The following SRPX2 variants were observed in gnomAD, a reference collection of about 807,000 sequenced individuals.
The protein encoded by SRPX2 is sushi repeat containing protein X-linked 2, also known as sushi repeat-containing protein SRPX2.
Under a neutral mutation model 45.3 loss-of-function variants are expected in SRPX2, and 26 were observed. The observed-to-expected ratio is 0.57, with a 90% confidence interval of 0.42 to 0.80. The LOEUF (loss-of-function observed/expected upper bound fraction) is 0.80, where lower values mean the gene tolerates loss of function less well. Among genes scored for constraint, SRPX2 ranks in the 30% least tolerant of loss-of-function variants. The pLI, the probability that SRPX2 is intolerant of heterozygous loss-of-function variation, is 0.00. For synonymous variants in SRPX2, 125 were observed against 143.7 expected, an observed-to-expected ratio of 0.87 and a Z score of 0.93; for missense variants, 355 against 399.8, an observed-to-expected ratio of 0.89 and a Z score of 0.95.
chrX:100,657,349 C>CTTTTTTTTTTTCTTTTTTTTTT (rs2083173078), intron 3 of SRPX2, among the ~76,000 whole-genome samples: 1 of 28,417 alleles, frequency 3.5e-5, no homozygotes, highest in African/African-American at 1.0e-4. Flanking sequence ...TTATTTATGT[C>CTTTTTTTTTTTCTTTTTTTTTT]TTTTTTTTTT....
rs372950755 is a variant in SRPX2, at chrX:100,666,816, G to T, written c.844G>T (p.Asp282Tyr). ...HGYLTCTSAG[D>Y]NYGATCEYHC... ...CTACCTCACCTGCACCTCAGCGGGG[G>T]ACAACTATGGTGCCACCTGTGAATA... is the stretch of plus-strand genomic sequence containing the variant. The change falls in exon 8 of 11, where the codon GAC becomes TAC. Residue 282 changes from aspartate (D) to tyrosine (Y), a missense_variant. Physicochemically the swap from Asp to Tyr is radical, Grantham distance 160. Transcript: ENST00000373004. 1.7e-6 allele frequency: 2 copies of T among 1,210,659 alleles called. No individual in the cohort carries two copies. Among genetic ancestry groups the T allele is most frequent in the African/African-American group, 3.5e-5 (2 of 57,374 alleles).
chrX:100,652,233 C>G (rs939099993), intron 3 of SRPX2, among the ~76,000 whole-genome samples: 1 of 111,727 alleles, frequency 9.0e-6, no homozygotes, highest in African/African-American at 3.3e-5. Context: ...ACAGATGAAC[C>G]CCATAAATGT....
intron 3 of SRPX2, among the ~76,000 whole-genome samples, chrX:100,660,165 C>T (rs2083182761): frequency 9.0e-6 from 1 of 111,580 alleles, no homozygotes; most frequent in African/African-American, 3.3e-5. Context: ...TTTAAACATA[C>T]ATACAGAAAA....
intron 10 of SRPX2, 119 bp downstream of exon 10, chrX:100,669,488 C>T (rs964679603): frequency 1.4e-5 from 10 of 690,770 alleles, no homozygotes; most frequent in South Asian, 7.9e-5. Context: ...TACTCTCTTG[C>T]GGCACTTCTT....
intron 3 of SRPX2, among the ~76,000 whole-genome samples, chrX:100,653,669 A>G (rs2083160323): frequency 8.9e-6 from 1 of 111,856 alleles, no homozygotes; most frequent in African/African-American, 3.3e-5. Context: ...TTTAGCCCAC[A>G]CTGAGCTTTC....
chrX:100,645,635 A>G (rs1322045219), intron 1 of SRPX2, among the ~76,000 whole-genome samples: 1 of 112,155 alleles, frequency 8.9e-6, no homozygotes, highest in Non-Finnish European at 1.9e-5. Context: ...TGGTAATAAT[A>G]TTGTCTAATA....
intron 3 of SRPX2, among the ~76,000 whole-genome samples, chrX:100,652,896 G>T (rs1350590862): frequency 9.0e-6 from 1 of 110,705 alleles, no homozygotes; most frequent in Admixed American, 9.6e-5. Context: ...TCTGTTTCTC[G>T]CCCACTCACA....
chrX:100,671,383 C>A lies in SRPX2; in HGVS notation c.*396C>A. 1.6e-5 allele frequency: 3 copies of A among 192,622 alleles called. No homozygotes were observed. The highest frequency in any genetic ancestry group is 2.9e-5 in the African/African-American group (1 of 34,147). The allele number at this position is 192,622 out of a possible 1,213,427, so 15.9% of individuals were successfully genotyped here. On this transcript the variant is annotated 3_prime_UTR_variant, in exon 11 of 11. Transcript: ENST00000373004. ...AACAGAAACCAGCTTACACTTTAAGCAAGTGTAGCTGGATTTTCCTTACAG... is the reference window on the plus strand; with the variant it reads ...AACAGAAACCAGCTTACACTTTAAGAAAGTGTAGCTGGATTTTCCTTACAG...
In SRPX2 at chrX:100,671,155, T is replaced by TA. The variant is rs2083223455; in HGVS notation, c.*170dup. 1 of 565,020 alleles carries TA rather than the reference T, an allele frequency of 1.8e-6. No individual in the cohort carries two copies. The highest frequency in any genetic ancestry group is 2.9e-6 in the Non-Finnish European group (1 of 343,983). The allele number at this position is 565,020 out of a possible 1,213,427, so 46.6% of individuals were successfully genotyped here. On this transcript the variant is annotated 3_prime_UTR_variant, in exon 11 of 11. Coordinates refer to ENST00000373004, the MANE Select transcript of SRPX2 (RefSeq NM_014467.3). ...TTCCAGGCATCCTTTTAGGACTGTG[T>TA]AATAGTTTCCCTAGAAGCTAGGTAG... is the stretch of plus-strand genomic sequence containing the variant.
rs1402043883 is a variant in SRPX2, at chrX:100,672,583, T to C, written c.*1596T>C. On this transcript the variant is annotated 3_prime_UTR_variant, in exon 11 of 11. Transcript: ENST00000373004. ...GCTAGTAAGTGGCAGAGTCAGGATT[T>C]CAACACCAGCAGCCTGGCTCTAGAG... The C allele has an allele frequency of 8.9e-6, 1 of 112,381 alleles. No individual in the cohort carries two copies. The highest frequency in any genetic ancestry group is 3.2e-5 in the African/African-American group (1 of 30,925). The allele number at this position is 112,381 out of a possible 1,213,427, so 9.3% of individuals were successfully genotyped here.
chrX:100,667,435 T>C (rs1256538092), intron 9 of SRPX2, 28 bp downstream of exon 9: 1 of 1,207,948 alleles, frequency 8.3e-7, no homozygotes, highest in East Asian at 3.0e-5. Context: ...AAAGAGGGCT[T>C]AGCTCCTGTA....
chrX:100,651,069 T>C, intron 3 of SRPX2: 1 of 425,625 alleles, frequency 2.3e-6, no homozygotes, highest in African/African-American at 2.5e-5. Context: ...CTCCATGTAT[T>C]ATTAATCATT....
chrX:100,661,696 G>A (rs1284314031), intron 3 of SRPX2, among the ~76,000 whole-genome samples: 3 of 112,192 alleles, frequency 2.7e-5, no homozygotes, highest in Non-Finnish European at 5.6e-5. Flanking sequence ...CGTGAACGTG[G>A]GAGGCGGAGC....
At position 100,669,303 on chromosome X, in the gene SRPX2, A is replaced by G. The variant is rs769985794; in HGVS notation, c.1151A>G (p.Gln384Arg). The change falls in exon 10 of 11, where the codon CAG (glutamine) becomes CGG (arginine). Residue 384 changes from glutamine (Q) to arginine (R), a missense_variant. By Grantham distance (43) the Gln-to-Arg change is conservative. Transcript: ENST00000373004. ...GTGACCATCATTGAACTGGTGGGACAGCCACCTCAGGAGGTGGGGCGCATC... is the reference window on the plus strand; with the variant it reads ...GTGACCATCATTGAACTGGTGGGACGGCCACCTCAGGAGGTGGGGCGCATC... ...RHVTIIELVGQPPQEVGRIRE... is the reference protein window; with the variant it reads ...RHVTIIELVGRPPQEVGRIRE... The G allele has an allele frequency of 8.4e-7, 1 of 1,192,965 alleles. No homozygotes were observed. The highest frequency in any genetic ancestry group is 1.1e-6 in the Non-Finnish European group (1 of 885,054).
Position 100,644,447 on chromosome X carries a change from G to C in SRPX2, c.-199G>C, listed in dbSNP as rs1304842763. 1.8e-5 allele frequency: 2 copies of C among 111,453 alleles called. No homozygotes were observed. The highest frequency in any genetic ancestry group is 3.8e-5 in the Non-Finnish European group (2 of 53,130). 9.2% of individuals were successfully genotyped at this position (111,453 alleles called of 1,213,427 possible). A position where few individuals can be genotyped will look rare whatever the true frequency, so the allele number is the denominator to read the frequency against. On this transcript the variant is annotated 5_prime_UTR_variant, in exon 1 of 11. Coordinates refer to ENST00000373004, the MANE Select transcript of SRPX2 (RefSeq NM_014467.3). ...TTAAAGTAGAAGGTTTTTTCCAATT[G>C]ATGAGAGGAGCAGAGAGGAAGGAGA...
intron 10 of SRPX2, 53 bp downstream of exon 10, chrX:100,669,422 G>GGGCC: frequency 3.1e-6 from 1 of 319,099 alleles, no homozygotes; most frequent in Non-Finnish European, 6.2e-6. Context: ...GGGGCGGGGG[G>GGGCC]AGAAACCCTA....
At position 100,665,543 on chromosome X, in the gene SRPX2, C is replaced by A. The variant is rs1191784704; in HGVS notation, c.667C>A (p.Leu223Ile). ...SADGTITRVT[L>I]RGPEPGSHFP... ...TCACCCTGTCCCATGCAGGGTGACA[C>A]TTCGGGGCCCTGAGCCTGGCTCTCA... Residue 223 changes from leucine (L) to isoleucine (I), a missense_variant, in exon 7 of 11, where the codon CTT (leucine) becomes ATT (isoleucine). Leu to Ile is a conservative substitution (Grantham distance 5). Transcript: ENST00000373004. 1 of 1,212,113 alleles carries A rather than the reference C, an allele frequency of 8.3e-7. No individual in the cohort carries two copies. The highest frequency in any genetic ancestry group is 2.2e-5 in the Admixed American group (1 of 46,096).
In SRPX2 at chrX:100,662,341, G is replaced by A. The variant is rs1176341753; in HGVS notation, c.329G>A (p.Arg110His). Residue 110 changes from arginine (R) to histidine (H), a missense_variant, in exon 4 of 11, where the codon CGT (arginine) becomes CAT (histidine). Arg to His is a conservative substitution (Grantham distance 29). Coordinates refer to ENST00000373004, the MANE Select transcript of SRPX2 (RefSeq NM_014467.3). Reference sequence around the variant, plus strand: ...TCGGTGCAATGCCTGCCAAGCCGTCGTTGGTCTGGAACTGCCTACTGCAGG... The same window carrying A: ...TCGGTGCAATGCCTGCCAAGCCGTCATTGGTCTGGAACTGCCTACTGCAGG... ...RRSVQCLPSR[R>H]WSGTAYCRQM... 9.1e-6 allele frequency: 11 copies of A among 1,210,138 alleles called. No individual in the cohort carries two copies. Among genetic ancestry groups the A allele is most frequent in the East Asian group, 3.0e-5 (1 of 33,789 alleles).
intron 7 of SRPX2, among the ~76,000 whole-genome samples, chrX:100,665,984 C>T (rs1192492331): frequency 8.9e-6 from 1 of 112,229 alleles, no homozygotes; most frequent in African/African-American, 3.2e-5. Context: ...TTCTGTCGTT[C>T]ACCTCTGATA....
Sources: allele counts gnomAD v4.1 joint callset (sites outside exome capture counted in the v4.1 genomes callset), GRCh38; gene constraint gnomAD v4.1.1; transcripts MANE v1.5; gene names NCBI Gene and HGNC (gene_info 2026-07-23, HGNC 2026-07-21).